PCDHA4: variants seen among roughly 807,000 people sequenced by gnomAD.
The protein encoded by PCDHA4 is protocadherin alpha 4, also known as protocadherin alpha-4.
A neutral mutation model predicts 61.4 loss-of-function variants in PCDHA4; 49 were observed. The ratio of observed to expected loss-of-function variants is 0.80; its 90% confidence interval spans 0.63 to 1.01. The LOEUF is 1.01. PCDHA4 is among the 50% of genes least tolerant of loss of function. The pLI is 0.00. For missense variants in PCDHA4, 1,254 were observed against 1,235.8 expected, an observed-to-expected ratio of 1.01 and a Z score of -0.22; for synonymous variants, 590 against 550.3, an observed-to-expected ratio of 1.07 and a Z score of -1.01.
At chr5:140,848,219 T>A in intron 1 of PCDHA4, 1 of 368,880 alleles carries the variant, frequency 2.7e-6, no homozygotes, top group Non-Finnish European at 4.9e-6. Flanking sequence ...TAAGAAAAAA[T>A]TAAGAAAATG....
intron 3 of PCDHA4, among the ~76,000 whole-genome samples, chr5:140,987,604 T>G (rs2097261353): frequency 6.6e-6 from 1 of 152,222 alleles, no homozygotes; most frequent in Admixed American, 6.5e-5. Context: ...GTCTACCTTA[T>G]AGGGTTCTTG....
chr5:140,898,644 T>C (rs2066890005), intron 1 of PCDHA4, among the ~76,000 whole-genome samples: 2 of 152,226 alleles, frequency 1.3e-5, no homozygotes, highest in Admixed American at 1.3e-4. Context: ...GCTTTGTTCT[T>C]TTGGCTTAGG....
intron 1 of PCDHA4, chr5:140,815,625 G>C (rs1377672978): frequency 2.0e-5 from 3 of 152,002 alleles, no homozygotes; most frequent in African/African-American, 7.2e-5. Context: ...CACCATTACA[G>C]TATTATAGTA....
intron 1 of PCDHA4, chr5:140,883,443 A>AT (rs1554178222): frequency 6.2e-7 from 1 of 1,614,136 alleles, no homozygotes; most frequent in Admixed American, 1.7e-5. Flanking sequence ...TTGACGCCGC[A>AT]TGTCCCCTTC....
intron 1 of PCDHA4, chr5:140,862,407 C>T: frequency 2.8e-6 from 1 of 351,564 alleles, no homozygotes; most frequent in Non-Finnish European, 5.6e-6. Flanking sequence ...TGTCTACCTT[C>T]AAAAGGCGCT....
At chr5:140,845,448 T>C (rs1375604335) in intron 1 of PCDHA4, among the ~76,000 whole-genome samples, 1 of 149,710 alleles carries the variant, frequency 6.7e-6, no homozygotes, top group Non-Finnish European at 1.5e-5. Context: ...CTGTTTTTCT[T>C]CAACTCTCTG....
In PCDHA4 at chr5:140,984,045, T is replaced by C. The variant is rs77384794; in HGVS notation, c.2533+1482T>C. Among the ~76,000 whole-genome samples, 455 of 152,316 alleles carry C rather than the reference T, an allele frequency of 3.0e-3. 7 individuals carry two copies. In the East Asian group the frequency reaches 0.044, roughly 15 times the overall value. On this transcript the variant is annotated intron_variant, in intron 3 of 3. Transcript: ENST00000530339. ...AAGGGGAAAAACATAAAATAGTTCA[T>C]TGACAAATCTGTACCCTCAGTGCCA... is the stretch of plus-strand genomic sequence containing the variant.
intron 1 of PCDHA4, chr5:140,875,560 C>G: frequency 6.2e-7 from 1 of 1,614,124 alleles, no homozygotes; most frequent in Non-Finnish European, 8.5e-7. Context: ...GGGGAGCGGC[C>G]AGCTCCACTA....
chr5:140,904,912 T>C (rs2071465626), intron 1 of PCDHA4, among the ~76,000 whole-genome samples: 1 of 152,236 alleles, frequency 6.6e-6, no homozygotes, highest in Non-Finnish European at 1.5e-5. Flanking sequence ...TACTGATTTG[T>C]TTGACTTCCT....
chr5:141,009,791 CCTA>C lies in PCDHA4; in HGVS notation c.2702_2704del (p.Thr901del), dbSNP rs2098414479. 1.2e-6 allele frequency: 2 copies of C among 1,613,966 alleles called. No homozygotes were observed. Among genetic ancestry groups the C allele is most frequent in the African/African-American group, 2.7e-5 (2 of 74,882 alleles). On this transcript the variant is annotated inframe_deletion, in exon 4 of 4. Coordinates refer to ENST00000530339, the MANE Select transcript of PCDHA4 (RefSeq NM_018907.4). ...TGCAATCATCTCCATCCGGCAGGAGCCTACTAACAGCCAAATTGACAAAAGTGA... is the reference window on the plus strand; with the variant it reads ...TGCAATCATCTCCATCCGGCAGGAGCCTAACAGCCAAATTGACAAAAGTGA...
At chr5:140,849,967 C>T (rs2150460775) in intron 1 of PCDHA4, 1 of 1,597,834 alleles carries the variant, frequency 6.3e-7, no homozygotes, top group East Asian at 2.2e-5. Flanking sequence ...GCCCTGGTGT[C>T]CTACTCGCTG....
chr5:140,860,223 A>G (rs2046279598), intron 1 of PCDHA4: 1 of 150,246 alleles, frequency 6.7e-6, no homozygotes, highest in African/African-American at 2.4e-5. Context: ...TTATGTATAT[A>G]TAAGCCAGGC....
At chr5:140,894,043 C>G (rs1562874850) in intron 1 of PCDHA4, among the ~76,000 whole-genome samples, 1 of 152,050 alleles carries the variant, frequency 6.6e-6, no homozygotes, top group Non-Finnish European at 1.5e-5. Flanking sequence ...AATGTAAGTC[C>G]TCTGTTGAAT....
intron 1 of PCDHA4, among the ~76,000 whole-genome samples, chr5:140,974,144 A>G (rs868918794): frequency 5.9e-5 from 9 of 152,268 alleles, no homozygotes; most frequent in African/African-American, 1.7e-4. Context: ...CCTGAAAACT[A>G]TACAAGGGTT....
At chr5:140,836,601 G>A (rs1774608551) in intron 1 of PCDHA4, 1 of 1,613,748 alleles carries the variant, frequency 6.2e-7, no homozygotes, top group Non-Finnish European at 8.5e-7. Context: ...GCCCACTCTG[G>A]TGTGCTCCAG....
chr5:140,893,384 G>T (rs2063960240), intron 1 of PCDHA4, among the ~76,000 whole-genome samples: 1 of 152,168 alleles, frequency 6.6e-6, no homozygotes, highest in South Asian at 2.1e-4. Flanking sequence ...ATGGGACAGT[G>T]GCTCATGCCT....
intron 1 of PCDHA4, chr5:140,842,876 G>A (rs2150347081): frequency 6.3e-7 from 1 of 1,593,878 alleles, no homozygotes; most frequent in Non-Finnish European, 8.6e-7. Flanking sequence ...CAAGGTGTAC[G>A]CGCTGCAGCC....
At chr5:140,850,395 A>G in intron 1 of PCDHA4, 3 of 1,597,894 alleles carry the variant, frequency 1.9e-6, no homozygotes, top group Non-Finnish European at 1.7e-6. Context: ...GATCAGCACA[A>G]CGCGTGCCCT....
intron 1 of PCDHA4, among the ~76,000 whole-genome samples, chr5:140,959,091 G>A (rs1257984257): frequency 3.3e-5 from 5 of 152,048 alleles, no homozygotes; most frequent in African/African-American, 1.2e-4. Context: ...CTTGGTTTCG[G>A]ACATTCAGCA....
Sources: allele counts gnomAD v4.1 joint callset (sites outside exome capture counted in the v4.1 genomes callset), GRCh38; gene constraint gnomAD v4.1.1; transcripts MANE v1.5; gene names NCBI Gene and HGNC (gene_info 2026-07-23, HGNC 2026-07-21).